SUPT20H: variants seen among roughly 807,000 people sequenced by gnomAD.
SUPT20H encodes the protein SPT20 homolog, SAGA complex component.
SUPT20H carries 82 observed loss-of-function variants against 122.8 expected under a neutral mutation model. The ratio of observed to expected loss-of-function variants is 0.67; its 90% CI spans 0.56 to 0.80. The LOEUF is 0.80. Ranked by LOEUF, SUPT20H falls within the 30% of genes least tolerant of loss-of-function variation. SUPT20H has a pLI of 0.00. For missense variants in SUPT20H, 831 were observed against 921.6 expected, an observed-to-expected ratio of 0.90 and a Z score of 1.27; for synonymous variants, 291 against 313.0, an observed-to-expected ratio of 0.93 and a Z score of 0.74.
intron 17 of SUPT20H, chr13:37,025,099 G>A: frequency 2.4e-6 from 1 of 420,584 alleles, no homozygotes; most frequent in South Asian, 2.0e-5. Flanking sequence ...GTGCCACCAT[G>A]CCCAGCTAAT....
At chr13:37,013,820 G>A (rs1042213373) in intron 23 of SUPT20H, 4 of 151,960 alleles carry the variant, frequency 2.6e-5, no homozygotes, top group Non-Finnish European at 4.4e-5. Context: ...CTGAAAGGAG[G>A]ACACATTATT....
chr13:37,019,352 T>C lies in SUPT20H; in HGVS notation c.1862A>G (p.Asn621Ser). 6.2e-7 allele frequency: 1 copy of C among 1,600,838 alleles called. No homozygotes were observed. Among genetic ancestry groups the C allele is most frequent in the South Asian group, 1.1e-5 (1 of 88,134 alleles). ...LKNTSSLRPLNLLQLPGGSLI... is the reference protein window; with the variant it reads ...LKNTSSLRPLSLLQLPGGSLI... ...GTATTTCAGGTTTACCTGGAGTAGATTTAAGGGCCTGAGACTTGAAGTATT... is the reference window on the plus strand; with the variant it reads ...GTATTTCAGGTTTACCTGGAGTAGACTTAAGGGCCTGAGACTTGAAGTATT... Residue 621 changes from asparagine (N) to serine (S), a missense_variant, in exon 22 of 26, where the codon AAT becomes AGT. Asn to Ser is a conservative substitution (Grantham distance 46, BLOSUM62 1). Transcript: ENST00000350612.
Position 37,059,632 on chromosome 13 carries a change from G to C in SUPT20H, c.-167C>G, listed in dbSNP as rs1378452246. ...GGCAGCAAAGCCCACCCGCCCCGTC[G>C]GCGGCTCAGTGCTGCACCCCCACCA... On this transcript the variant is annotated 5_prime_UTR_variant, in exon 1 of 26. Coordinates refer to ENST00000350612, the MANE Select transcript of SUPT20H (RefSeq NM_001014286.3). 4 of 152,274 alleles carry C rather than the reference G, an allele frequency of 2.6e-5. No individual in the cohort carries two copies. Among genetic ancestry groups the C allele is most frequent in the African/African-American group, 4.8e-5 (2 of 41,472 alleles). The allele number at this position is 152,274 out of a possible 1,614,324, so 9.4% of individuals were successfully genotyped here. A position where few individuals can be genotyped will look rare whatever the true frequency, so the allele number is the denominator to read the frequency against.
chr13:37,049,557 T>G, intron 2 of SUPT20H, among the ~76,000 whole-genome samples: 1 of 152,216 alleles, frequency 6.6e-6, no homozygotes, highest in Non-Finnish European at 1.5e-5. Flanking sequence ...CTGGCCAACA[T>G]GGTGAAACCC....
At chr13:37,010,358 G>A (rs1399595669) in intron 25 of SUPT20H, among the ~76,000 whole-genome samples, 194 bp downstream of exon 25, 1 of 152,124 alleles carries the variant, frequency 6.6e-6, no homozygotes, top group African/African-American at 2.4e-5. Context: ...ATAGAGTATG[G>A]CTTAAATATA....
At chr13:37,028,836 G>A (rs1374921061) in intron 13 of SUPT20H, among the ~76,000 whole-genome samples, 1 of 151,366 alleles carries the variant, frequency 6.6e-6, no homozygotes, top group Non-Finnish European at 1.5e-5. Flanking sequence ...TGCTCAGGAG[G>A]GCAGTACAGG....
chr13:37,045,435 A>G, intron 5 of SUPT20H, 62 bp from the exon 6 acceptor site: 1 of 1,575,736 alleles, frequency 6.3e-7, no homozygotes. Flanking sequence ...AAATAATGCT[A>G]TGATTTAACA....
intron 9 of SUPT20H, among the ~76,000 whole-genome samples, chr13:37,037,709 G>T (rs2138442483): frequency 6.6e-6 from 1 of 152,270 alleles, no homozygotes; most frequent in South Asian, 2.1e-4. Context: ...GAATAAAAAT[G>T]ACTCTGCTAA....
chr13:37,021,627 T>C (rs1427828508), intron 20 of SUPT20H, 25 bp from the exon 21 acceptor site: 2 of 1,578,620 alleles, frequency 1.3e-6, no homozygotes, highest in African/African-American at 1.4e-5. Flanking sequence ...GACAAAGCAT[T>C]AAACTTCACT....
Position 37,022,463 on chromosome 13 carries a change from C to G in SUPT20H, c.1592-383G>C. ...TTAACTGCAAGTGTTAATTTCTACA[C>G]ATGATACATGAGTGTTGCTACACTC... On this transcript the variant is annotated intron_variant, in intron 19 of 25. Coordinates refer to ENST00000350612, the MANE Select transcript of SUPT20H (RefSeq NM_001014286.3). The surrounding 1 kb of genome is among the most constrained non-coding windows in gnomAD (Gnocchi z 4.5). 1 of 1,300,222 alleles carries G rather than the reference C, an allele frequency of 7.7e-7. No homozygotes were observed. The highest frequency in any genetic ancestry group is 9.7e-7 in the Non-Finnish European group (1 of 1,027,172). The allele number at this position is 1,300,222 out of a possible 1,614,324, so 80.5% of individuals were successfully genotyped here.
At position 37,025,249 on chromosome 13, in the gene SUPT20H, A is replaced by C. The variant is rs1051492561; in HGVS notation, c.1329+71T>G. ...GAGCCACTGTGCCTAGCCTCCAAAA[A>C]TGATTCTTAACATTTCTCAGATTAC... On this transcript the variant is annotated intron_variant, in intron 17 of 25. Coordinates refer to ENST00000350612, the MANE Select transcript of SUPT20H (RefSeq NM_001014286.3). The C allele has an allele frequency of 8.2e-6, 11 of 1,344,304 alleles. 1 individual carries two copies. In the African/African-American group the frequency reaches 1.3e-4, roughly 16 times the overall value. The allele number at this position is 1,344,304 out of a possible 1,614,324, so 83.3% of individuals were successfully genotyped here.
chr13:37,049,698 T>C (rs1290211557), intron 2 of SUPT20H, among the ~76,000 whole-genome samples: 1 of 152,094 alleles, frequency 6.6e-6, no homozygotes, highest in Non-Finnish European at 1.5e-5. Context: ...CAGATCGTGC[T>C]ATTGTACTAC....
intron 1 of SUPT20H, among the ~76,000 whole-genome samples, chr13:37,058,767 A>C (rs1052589347): frequency 6.6e-6 from 1 of 152,144 alleles, no homozygotes; most frequent in African/African-American, 2.4e-5. Context: ...CTGCAAACTA[A>C]TCAAACCGGC....
Position 37,010,470 on chromosome 13 carries a change from TAAAAC to T in SUPT20H, c.2202+77_2202+81del, listed in dbSNP as rs779641978. The T allele has an allele frequency of 5.5e-4, 705 of 1,284,214 alleles. 1 individual carries two copies. Among genetic ancestry groups the T allele is most frequent in the Non-Finnish European group, 7.7e-4 (691 of 897,856 alleles). 79.6% of individuals were successfully genotyped at this position (1,284,214 alleles called of 1,614,324 possible). Reference sequence around the variant, plus strand: ...TGTACAGTCTTAAAAGACAGTAAAATAAAACTAAAGCAAGTTATTTTGAGGTACTT... The same window carrying T: ...TGTACAGTCTTAAAAGACAGTAAAATTAAAGCAAGTTATTTTGAGGTACTT... On this transcript the variant is annotated intron_variant, in intron 25 of 25. Coordinates refer to ENST00000350612, the MANE Select transcript of SUPT20H (RefSeq NM_001014286.3).
chr13:37,023,941 A>G, intron 19 of SUPT20H, 94 bp downstream of exon 19: 1 of 1,343,122 alleles, frequency 7.4e-7, no homozygotes, highest in Non-Finnish European at 1.0e-6. Flanking sequence ...GTACATTCAG[A>G]TATCACTACT....
At chr13:37,017,155 A>G in intron 23 of SUPT20H, 90 bp downstream of exon 23, 1 of 1,568,614 alleles carries the variant, frequency 6.4e-7, no homozygotes, top group Non-Finnish European at 8.8e-7. Context: ...AAATGTTTAC[A>G]CTAACAAAGC....
intron 5 of SUPT20H, 133 bp from the exon 6 acceptor site, chr13:37,045,506 G>A: frequency 8.6e-7 from 1 of 1,160,724 alleles, no homozygotes; most frequent in Non-Finnish European, 1.2e-6. Flanking sequence ...AATAAATGGA[G>A]AAGGCTCACA....
At chr13:37,057,418 C>T (rs930681823) in intron 1 of SUPT20H, among the ~76,000 whole-genome samples, 7 of 151,638 alleles carry the variant, frequency 4.6e-5, no homozygotes, top group Non-Finnish European at 1.0e-4. Context: ...GTCTACACAG[C>T]TGAACTAAAG....
intron 18 of SUPT20H, 50 bp from the exon 19 acceptor site, chr13:37,024,243 G>A: frequency 6.4e-7 from 1 of 1,556,714 alleles, no homozygotes; most frequent in South Asian, 1.2e-5. Context: ...AAACTTCTGT[G>A]AACTGTAGAA....
Sources: gnomAD v4.1 joint callset for allele counts (sites outside exome capture counted in the v4.1 genomes callset) on GRCh38, gnomAD v4.1.1 for gene constraint, Gnocchi (gnomAD v3.1) non-coding constraint, MANE v1.5 for transcripts, NCBI Gene and HGNC (gene_info 2026-07-23, HGNC 2026-07-21) for gene names.